Variants in HNRNPU observed in about 807,000 individuals in gnomAD.
The protein encoded by HNRNPU is heterogeneous nuclear ribonucleoprotein U, also known as HNRNPU antisense RNA 1.
A neutral mutation model predicts 94.7 loss-of-function variants in HNRNPU; 5 were observed. That is an observed-to-expected ratio of 0.05 (90% CI 0.03 to 0.11). HNRNPU has a LOEUF of 0.11. HNRNPU is among the 10% of genes least tolerant of loss of function. HNRNPU has a pLI of 1.00. For missense variants in HNRNPU, 710 were observed against 1,049.2 expected (o/e 0.68, Z 4.47); for synonymous variants, 434 against 381.6 (o/e 1.14, Z -1.60).
chr1:244,863,593 C>T (rs762059926), intron 1 of HNRNPU, 24 bp downstream of exon 1: 1 of 1,410,790 alleles, frequency 7.1e-7, no homozygotes. Flanking sequence ...TCCCGCCGCG[C>T]GCAACGTACA....
In HNRNPU at chr1:244,863,789, G is replaced by C. The variant is rs1680923601; in HGVS notation, c.519C>G (p.Pro173=). 3.1e-6 allele frequency: 5 copies of C among 1,606,206 alleles called. No homozygotes were observed. Among genetic ancestry groups the C allele is most frequent in the Non-Finnish European group, 4.2e-6 (5 of 1,177,640 alleles). ...CCTTGGCGGCCCCGCGCTGCTGTTG[G>C]GGCTGTTGCTGCTGCGTCGCCGGCG... ...PQPPATQQQQ[P]QQQRGAAKEA... The change falls in exon 1 of 14, where the codon CCC becomes CCG. Residue 173 remains proline, a synonymous_variant. Transcript: ENST00000640218.
rs373179894 is a variant in HNRNPU at position 244,856,410 on chromosome 1, C to A, written c.1912+47G>T. The A allele has an allele frequency of 2.6e-6, 4 of 1,554,322 alleles. No individual in the cohort carries two copies. In the African/African-American group the frequency reaches 4.1e-5, roughly 16 times the overall value. On this transcript the variant is annotated intron_variant, in intron 10 of 13. Transcript: ENST00000640218. ...AAGCAGAATATGTAGGAAAAACATT[C>A]TTTTAAAAAGAAGATTTCACACAGT...
chr1:244,858,971 A>C, intron 5 of HNRNPU, 130 bp from the exon 6 acceptor site: 1 of 606,172 alleles, frequency 1.6e-6, no homozygotes, highest in South Asian at 2.1e-5. Context: ...TGACACTATT[A>C]CTTTTCTATC....
At chr1:244,862,767 T>C (rs754130645) in intron 1 of HNRNPU, 37 bp from the exon 2 acceptor site, 3 of 1,502,156 alleles carry the variant, frequency 2.0e-6, no homozygotes, top group African/African-American at 1.4e-5. Flanking sequence ...GCCAAGCCTC[T>C]AAACAACAAA....
At position 244,853,382 on chromosome 1, in the gene HNRNPU, CAA is replaced by C. The variant is rs1680597191; in HGVS notation, c.*1066_*1067del. On this transcript the variant is annotated 3_prime_UTR_variant, in exon 14 of 14. Coordinates refer to ENST00000640218, the MANE Select transcript of HNRNPU (RefSeq NM_031844.3). ...AACCTTGATGGCGAGAATCCCAAAA[CAA>C]GAGTAAAATGAATTCTTTTTATTGC... is the stretch of plus-strand genomic sequence containing the variant. The C allele has an allele frequency of 6.6e-6, 1 of 152,474 alleles. No individual in the cohort carries two copies. The highest frequency in any genetic ancestry group is 1.5e-5 in the Non-Finnish European group (1 of 67,958). 9.4% of individuals were successfully genotyped at this position (152,474 alleles called of 1,614,324 possible).
intron 5 of HNRNPU, 23 bp from the exon 6 acceptor site, chr1:244,858,864 T>G (rs1680750544): frequency 9.1e-7 from 1 of 1,097,176 alleles, no homozygotes; most frequent in Non-Finnish European, 1.4e-6. Flanking sequence ...TTAATCTTCA[T>G]GAAGTAGATG....
intron 3 of HNRNPU, chr1:244,862,162 A>G (rs1680848414): frequency 3.3e-6 from 1 of 302,748 alleles, no homozygotes; most frequent in South Asian, 7.2e-5. Flanking sequence ...AATTATAGGT[A>G]GTGTTACAAG....
chr1:244,864,140 C>T lies in HNRNPU; in HGVS notation c.168G>A (p.Gly56=). 1 of 1,603,040 alleles carries T rather than the reference C, an allele frequency of 6.2e-7. No homozygotes were observed. Among genetic ancestry groups the T allele is most frequent in the South Asian group, 1.1e-5 (1 of 89,884 alleles). The change falls in exon 1 of 14, where the codon GGG becomes GGA. Residue 56 remains glycine, a synonymous_variant. Coordinates refer to ENST00000640218, the MANE Select transcript of HNRNPU (RefSeq NM_031844.3). ...CCCCGCCCAGGTCTAGGCTGCCGTT[C>T]CCGGGCTCCATGGCGGGGCGGCCCC... ...EAGGRPAMEP[G]NGSLDLGGDS...
At chr1:244,855,871 G>T in intron 11 of HNRNPU, 33 bp downstream of exon 11, 1 of 1,606,464 alleles carries the variant, frequency 6.2e-7, no homozygotes, top group South Asian at 1.1e-5. Flanking sequence ...TTTCGATCCT[G>T]AACTAAATAC....
chr1:244,857,131 G>C (rs1009703053), intron 8 of HNRNPU: 2 of 308,394 alleles, frequency 6.5e-6, no homozygotes, highest in Non-Finnish European at 1.2e-5. Context: ...CCTCAGAGTT[G>C]AAAGAACCAA....
intron 3 of HNRNPU, chr1:244,860,826 A>T: frequency 3.6e-6 from 1 of 280,586 alleles, no homozygotes; most frequent in East Asian, 6.0e-5. Flanking sequence ...AAAGTGAAGC[A>T]TGCCAGAACC....
At chr1:244,858,697 C>A in intron 6 of HNRNPU, 32 bp downstream of exon 6, 1 of 1,191,934 alleles carries the variant, frequency 8.4e-7, no homozygotes. Context: ...CTAACTTTGC[C>A]ATTTATACAT....
chr1:244,859,288 A>T lies in HNRNPU; in HGVS notation c.1104T>A (p.Ser368Arg). The change falls in exon 5 of 14, where the codon AGT (serine) becomes AGA (arginine). Residue 368 changes from serine to arginine, a missense_variant. Coordinates refer to ENST00000640218, the MANE Select transcript of HNRNPU (RefSeq NM_031844.3). The stretch of plus-strand genomic sequence containing the variant: ...AAGAAGCTTTACCAAGTAACATTCC[A>T]CTTGTAGTTAGTGACCAGCCAATAC... ...EVRIGWSLTT[S>R]GMLLGEEEFS... is the part of the protein sequence containing the mutation. 6.4e-7 allele frequency: 1 copy of T among 1,559,502 alleles called. No homozygotes were observed. The highest frequency in any genetic ancestry group is 8.8e-7 in the Non-Finnish European group (1 of 1,130,524).
intron 3 of HNRNPU, chr1:244,861,442 ACAT>A (rs760802039): frequency 6.6e-6 from 1 of 152,276 alleles, no homozygotes; most frequent in Non-Finnish European, 1.5e-5. Context: ...TAAAACTTTC[ACAT>A]CAACTAACTC....
intron 1 of HNRNPU, 173 bp from the exon 2 acceptor site, chr1:244,862,903 G>A (rs1680877028): frequency 9.4e-6 from 6 of 639,690 alleles, no homozygotes; most frequent in African/African-American, 1.8e-5. Context: ...TGGCGCTAGT[G>A]ACGCAGTCTA....
At chr1:244,856,224 G>C (rs1680678722) in intron 10 of HNRNPU, 66 bp from the exon 11 acceptor site, 81 of 1,464,210 alleles carry the variant, frequency 5.5e-5, no homozygotes, top group Non-Finnish European at 7.2e-5. Context: ...TCCTAAAGCT[G>C]ACAATTCTTG....
At chr1:244,855,192 T>A (rs1680645868) in intron 12 of HNRNPU, 148 bp from the exon 13 acceptor site, 1 of 722,856 alleles carries the variant, frequency 1.4e-6, no homozygotes, top group African/African-American at 1.8e-5. Flanking sequence ...CCTCTGCTGG[T>A]TTCTTATGTT....
rs1233286836 is a variant in HNRNPU at position 244,852,575 on chromosome 1, A to G, written c.*1875T>C. 1 of 152,192 alleles carries G rather than the reference A, an allele frequency of 6.6e-6. No individual in the cohort carries two copies. Among genetic ancestry groups the G allele is most frequent in the Non-Finnish European group, 1.5e-5 (1 of 68,018 alleles). 9.4% of individuals were successfully genotyped at this position (152,192 alleles called of 1,614,324 possible). On this transcript the variant is annotated 3_prime_UTR_variant, in exon 14 of 14. Coordinates refer to ENST00000640218, the MANE Select transcript of HNRNPU (RefSeq NM_031844.3). ...GTAGCTCAGGCCAGTGGTTCTTAGC[A>G]TTACTTGCTAAAAAAGATAAAAATC...
chr1:244,858,523 G>GT, intron 6 of HNRNPU: 1 of 606,172 alleles, frequency 1.6e-6, no homozygotes, highest in Non-Finnish European at 2.9e-6. Context: ...CATGTTCACT[G>GT]TTTTCAGTCA....
Sources: gnomAD v4.1 joint callset for allele counts on GRCh38, gnomAD v4.1.1 for gene constraint, MANE v1.5 for transcripts, NCBI Gene and HGNC (gene_info 2026-07-23, HGNC 2026-07-21) for gene names.